CLHC1: variants seen among roughly 807,000 people sequenced by gnomAD.
CLHC1 encodes the protein clathrin heavy chain linker domain containing 1, also known as clathrin heavy chain linker domain-containing protein 1.
CLHC1 carries 72 observed loss-of-function variants against 69.5 expected under a neutral mutation model. The observed-to-expected ratio is 1.04, with a 90% CI of 0.86 to 1.26. The LOEUF (loss-of-function observed/expected upper bound fraction) is 1.26, where lower values mean the gene tolerates loss of function less well. Among genes scored for constraint, CLHC1 ranks in the 50% most tolerant of loss-of-function variants. The probability of loss-of-function intolerance (pLI) is 0.00; values close to 1 mark genes in which losing one functional copy is unlikely to be tolerated. For missense variants in CLHC1, 790 were observed against 679.3 expected, an observed-to-expected ratio of 1.16 and a Z score of -1.81; for synonymous variants, 223 against 224.3, an observed-to-expected ratio of 0.99 and a Z score of 0.05.
At chr2:55,197,555 G>A (rs1192482298) in intron 9 of CLHC1, among the ~76,000 whole-genome samples, 1 of 152,152 alleles carries the variant, frequency 6.6e-6, no homozygotes, top group Non-Finnish European at 1.5e-5. Context: ...CCATTTTAGG[G>A]GAGAAAGTAA....
chr2:55,223,680 C>G (rs1303194516), intron 2 of CLHC1, among the ~76,000 whole-genome samples: 2 of 152,144 alleles, frequency 1.3e-5, no homozygotes, highest in Non-Finnish European at 2.9e-5. Flanking sequence ...CCCCCGGACC[C>G]GCTCAGCGGT....
At chr2:55,218,313 C>G (rs1673779081) in intron 3 of CLHC1, 1 of 173,470 alleles carries the variant, frequency 5.8e-6, no homozygotes, top group Admixed American at 6.3e-5. Flanking sequence ...CTAATTTTCC[C>G]AGTTCTGAAT....
chr2:55,180,511 G>A lies in CLHC1; in HGVS notation c.1383C>T (p.Thr461=), dbSNP rs760567759. The change falls in exon 11 of 13, where the codon ACC becomes ACT. Residue 461 remains threonine, a splice_region_variant and synonymous_variant. Coordinates refer to ENST00000401408, the MANE Select transcript of CLHC1 (RefSeq NM_152385.4). The part of the protein sequence containing the change: ...EYIQQLKDFT[T]DDLLQLLMSC... ...CAAATGGCAGACTTTTTAACTTACC[G>A]GTAGTAAAGTCCTTCAACTGCTGTA... 21 of 1,609,350 alleles carry A rather than the reference G, an allele frequency of 1.3e-5. No individual in the cohort carries two copies. The highest frequency in any genetic ancestry group is 6.7e-5 in the African/African-American group (5 of 74,768).
rs1281101549 is a variant in CLHC1, at chr2:55,226,456, A to G, written c.-83+1576T>C. Reference sequence around the variant, plus strand: ...TATTTTGGAATATTTCCTTCCAAACATTACAAAACTTGAAATTAAACTCTA... The same window carrying G: ...TATTTTGGAATATTTCCTTCCAAACGTTACAAAACTTGAAATTAAACTCTA... On this transcript the variant is annotated intron_variant, in intron 2 of 12. Transcript: ENST00000401408. 2.0e-5 allele frequency among the ~76,000 whole-genome samples: 3 copies of G among 152,362 alleles called. No individual in the cohort carries two copies. In the South Asian group the frequency reaches 6.2e-4, roughly 32 times the overall value.
At chr2:55,216,112 TAA>T (rs34510146) in intron 4 of CLHC1, 63,439 of 105,492 alleles carry the variant, frequency 0.6, 19,729 homozygotes, top group African/African-American at 0.86. Context: ...CCATCTCTAC[TAA>T]AAAAAAAAAA....
In CLHC1 at chr2:55,222,283, T is replaced by G; in HGVS notation, c.129A>C (p.Glu43Asp). Residue 43 changes from glutamate to aspartate, a missense_variant, in exon 3 of 13, where the codon GAA (glutamate) becomes GAC (aspartate). Transcript: ENST00000401408. ...TETERLGCSE[E>D]GPADEYYIIY... is the part of the protein sequence containing the mutation. ...TGATGTAATATTCATCAGCAGGTCCTTCCTCACTACAGCCCAGTCTTTCAG... is the reference window on the plus strand; with the variant it reads ...TGATGTAATATTCATCAGCAGGTCCGTCCTCACTACAGCCCAGTCTTTCAG... The G allele has an allele frequency of 6.2e-7, 1 of 1,613,696 alleles. No individual in the cohort carries two copies. Among genetic ancestry groups the G allele is most frequent in the East Asian group, 2.2e-5 (1 of 44,844 alleles).
intron 9 of CLHC1, among the ~76,000 whole-genome samples, chr2:55,203,824 G>A (rs1672187595): frequency 1.3e-5 from 2 of 152,070 alleles, no homozygotes; most frequent in African/African-American, 4.8e-5. Flanking sequence ...TCACATCAAG[G>A]TAAAAAGCTT....
In CLHC1 at chr2:55,184,106, AT is replaced by A. The variant is rs58183668; in HGVS notation, c.1007-2363del. On this transcript the variant is annotated intron_variant, in intron 9 of 12. Transcript: ENST00000401408. ...TTTTCTCTCTTTTCTTTCTTTCTTT[AT>A]TTTTTTTTTTTTTTTCGAGACAGGG... is the stretch of plus-strand genomic sequence containing the variant. Among the ~76,000 whole-genome samples the A allele has an allele frequency of 6.2e-5, 9 of 144,990 alleles. No homozygotes were observed. The East Asian group carries it at 1.4e-3, about 23-fold the overall frequency.
At chr2:55,228,439 C>G (rs535506994) in intron 1 of CLHC1, among the ~76,000 whole-genome samples, 1 of 152,280 alleles carries the variant, frequency 6.6e-6, no homozygotes, top group South Asian at 2.1e-4. Flanking sequence ...CTACAAAATG[C>G]CATTGAGTTA....
In CLHC1 at chr2:55,173,122, A is replaced by G. The variant is rs1395870191; in HGVS notation, c.*2668T>C. Among the ~76,000 whole-genome samples the G allele has an allele frequency of 6.6e-6, 1 of 152,244 alleles. No homozygotes were observed. Among genetic ancestry groups the G allele is most frequent in the Non-Finnish European group, 1.5e-5 (1 of 68,040 alleles). ...TCATGACCCTTGCTTTGCAACTGCT[A>G]TGTAAAGCAATCAATGGCAAGAGGA... On this transcript the variant is annotated 3_prime_UTR_variant, in exon 13 of 13. Coordinates refer to ENST00000401408, the MANE Select transcript of CLHC1 (RefSeq NM_152385.4).
chr2:55,187,338 C>A (rs1345413903), intron 9 of CLHC1, among the ~76,000 whole-genome samples: 1 of 146,584 alleles, frequency 6.8e-6, no homozygotes, highest in Non-Finnish European at 1.5e-5. Flanking sequence ...CTGGGCCAGG[C>A]GTGGTGGCTC....
chr2:55,216,822 C>T (rs1344863096), intron 4 of CLHC1, among the ~76,000 whole-genome samples: 1 of 152,088 alleles, frequency 6.6e-6, no homozygotes. Context: ...CCTGTGCGGA[C>T]CCTCATTTTA....
chr2:55,216,693 T>A (rs1027006702), intron 4 of CLHC1, among the ~76,000 whole-genome samples: 9 of 144,136 alleles, frequency 6.2e-5, no homozygotes, highest in African/African-American at 1.7e-4. Flanking sequence ...AATTTTTTTT[T>A]AAACTTTTTT....
Position 55,208,706 on chromosome 2 carries a change from G to A in CLHC1, c.819C>T (p.Asp273=). Residue 273 remains aspartate, a synonymous_variant, in exon 8 of 13, where the codon GAC becomes GAT. Coordinates refer to ENST00000401408, the MANE Select transcript of CLHC1 (RefSeq NM_152385.4). The part of the protein sequence containing the change: ...QIQKTKYLQG[D]QGIVEELMED... ...CCATTAGTTCTTCAACAATGCCTTG[G>A]TCACCTGTAAATATTGAAAGTACTA... 1.2e-6 allele frequency: 2 copies of A among 1,605,368 alleles called. No individual in the cohort carries two copies. Among genetic ancestry groups the A allele is most frequent in the African/African-American group, 1.3e-5 (1 of 74,814 alleles).
intron 9 of CLHC1, among the ~76,000 whole-genome samples, chr2:55,203,154 T>C (rs1193228880): frequency 6.6e-6 from 1 of 151,994 alleles, no homozygotes; most frequent in Non-Finnish European, 1.5e-5. Flanking sequence ...TGAAAGAAAC[T>C]GAAGAGGACA....
At chr2:55,191,579 T>C (rs966093503) in intron 9 of CLHC1, among the ~76,000 whole-genome samples, 4 of 152,152 alleles carry the variant, frequency 2.6e-5, no homozygotes, top group Non-Finnish European at 5.9e-5. Flanking sequence ...ATACGGTATA[T>C]GCTATGAATG....
chr2:55,211,744 T>C (rs978748405), intron 5 of CLHC1, among the ~76,000 whole-genome samples: 2 of 152,108 alleles, frequency 1.3e-5, no homozygotes, highest in African/African-American at 4.8e-5. Flanking sequence ...AAAGTCTTTC[T>C]TTTTTCCAGG....
intron 8 of CLHC1, 99 bp downstream of exon 8, chr2:55,208,524 TCTC>T: frequency 2.8e-6 from 2 of 714,428 alleles, no homozygotes; most frequent in Non-Finnish European, 4.9e-6. Flanking sequence ...AATCCTCTTA[TCTC>T]CTCTGAAAAA....
intron 9 of CLHC1, among the ~76,000 whole-genome samples, chr2:55,204,032 C>G (rs1468607014): frequency 1.3e-5 from 2 of 152,142 alleles, no homozygotes; most frequent in African/African-American, 4.8e-5. Flanking sequence ...CACCTGTAAT[C>G]CCAACACTTT....
Sources: gnomAD v4.1 joint callset for allele counts (sites outside exome capture counted in the v4.1 genomes callset) on GRCh38, gnomAD v4.1.1 for gene constraint, MANE v1.5 for transcripts, NCBI Gene and HGNC (gene_info 2026-07-23, HGNC 2026-07-21) for gene names.